Variants in FAM13C observed in about 807,000 individuals in gnomAD.
FAM13C encodes the protein protein FAM13C.
A neutral mutation model predicts 73.2 loss-of-function variants in FAM13C; 37 were observed. That is an observed-to-expected ratio of 0.51 (90% CI 0.39 to 0.67). The LOEUF (loss-of-function observed/expected upper bound fraction) is 0.67. Ranked by LOEUF, FAM13C falls within the 30% of genes least tolerant of loss-of-function variation. The pLI is 0.00. For missense variants in FAM13C, 589 were observed against 715.6 expected (o/e 0.82, Z 2.02); for synonymous variants, 246 against 260.9 (o/e 0.94, Z 0.55).
At chr10:59,284,983 G>C (rs1053053205) in intron 5 of FAM13C, among the ~76,000 whole-genome samples, 6 of 151,914 alleles carry the variant, frequency 3.9e-5, no homozygotes, top group African/African-American at 2.4e-5. Flanking sequence ...ATGCAAGATC[G>C]AGTCCCACAC....
At chr10:59,290,181 G>C (rs1221671074) in intron 5 of FAM13C, among the ~76,000 whole-genome samples, 1 of 152,104 alleles carries the variant, frequency 6.6e-6, no homozygotes, top group Non-Finnish European at 1.5e-5. Flanking sequence ...AATTACTCAG[G>C]TCCCACTTTA....
In FAM13C at chr10:59,262,429, T is replaced by G. The variant is rs1842598125; in HGVS notation, c.1236+5A>C. On this transcript the variant is annotated splice_donor_5th_base_variant and intron_variant, in intron 10 of 13. Transcript: ENST00000618804. ...CCCTCTATATAACAAGACATGGTGA[T>G]GTACCTTAGAATCCTCCTGGGGAGG... is the stretch of plus-strand genomic sequence containing the variant. 6.2e-7 allele frequency: 1 copy of G among 1,613,070 alleles called. No homozygotes were observed. Among genetic ancestry groups the G allele is most frequent in the Non-Finnish European group, 8.5e-7 (1 of 1,179,238 alleles).
intron 3 of FAM13C, among the ~76,000 whole-genome samples, chr10:59,347,844 A>T (rs913126450): frequency 2.0e-5 from 3 of 152,192 alleles, no homozygotes; most frequent in Non-Finnish European, 2.9e-5. Context: ...TGTCCCTGCA[A>T]AGGACATGAA....
At chr10:59,249,408 GAAAAAAAAAAAAA>G (rs71006241) in intron 13 of FAM13C, among the ~76,000 whole-genome samples, 1 of 99,172 alleles carries the variant, frequency 1.0e-5, no homozygotes, top group East Asian at 3.3e-4. Flanking sequence ...CGTCTCAAAA[GAAAAAAAAAAAAA>G]AAAAAAAAAG....
intron 3 of FAM13C, among the ~76,000 whole-genome samples, chr10:59,345,868 G>T (rs1191574942): frequency 6.6e-6 from 1 of 152,176 alleles, no homozygotes; most frequent in Non-Finnish European, 1.5e-5. Context: ...ACTAAATCAT[G>T]CATGAGAAAT....
At position 59,287,362 on chromosome 10, in the gene FAM13C, A is replaced by G. The variant is rs1845721264; in HGVS notation, c.508-3915T>C. Reference sequence around the variant, plus strand: ...AAAAAAAAAAAAAAAAAAAAAAAAAAAAAAGTTAAATGGTAAATTTTAGGT... The same window carrying G: ...AAAAAAAAAAAAAAAAAAAAAAAAAGAAAAGTTAAATGGTAAATTTTAGGT... On this transcript the variant is annotated intron_variant, in intron 5 of 13. Transcript: ENST00000618804. Among the ~76,000 whole-genome samples the G allele has an allele frequency of 2.0e-5, 3 of 146,452 alleles. 1 individual carries two copies. The highest frequency in any genetic ancestry group is 4.5e-5 in the Non-Finnish European group (3 of 66,746).
chr10:59,293,327 C>T (rs1846510637), intron 5 of FAM13C, among the ~76,000 whole-genome samples: 3 of 152,046 alleles, frequency 2.0e-5, no homozygotes, highest in Admixed American at 6.6e-5. Flanking sequence ...CCACCCGCCT[C>T]GGCCTCCCAA....
intron 3 of FAM13C, among the ~76,000 whole-genome samples, chr10:59,344,780 G>T (rs377157115): frequency 1.3e-5 from 2 of 152,262 alleles, no homozygotes; most frequent in African/African-American, 4.8e-5. Flanking sequence ...TCCAACTGCA[G>T]CTATAGACCA....
At chr10:59,313,662 C>G (rs1849198155) in intron 4 of FAM13C, among the ~76,000 whole-genome samples, 1 of 152,258 alleles carries the variant, frequency 6.6e-6, no homozygotes, top group South Asian at 2.1e-4. Context: ...TTTGGTTCAA[C>G]TAGAGGGAAG....
intron 6 of FAM13C, among the ~76,000 whole-genome samples, chr10:59,279,959 T>C (rs1844748795): frequency 6.6e-6 from 1 of 152,192 alleles, no homozygotes; most frequent in African/African-American, 2.4e-5. Flanking sequence ...GAGGGCTGAC[T>C]TCTTACAGCC....
Position 59,327,686 on chromosome 10 carries a change from T to C in FAM13C, c.325-3580A>G, listed in dbSNP as rs191392417. ...CGGCTGTAACATTCGGCTCAAAAAT[T>C]GTAGAACATTAAAGTAGGGTATGTA... is the stretch of plus-strand genomic sequence containing the variant. On this transcript the variant is annotated intron_variant, in intron 3 of 13. Coordinates refer to ENST00000618804, the MANE Select transcript of FAM13C (RefSeq NM_198215.4). 7.2e-5 allele frequency: 11 copies of C among 152,120 alleles called. No individual in the cohort carries two copies. In the East Asian group the frequency reaches 2.1e-3, roughly 29 times the overall value. The allele number at this position is 152,120 out of a possible 1,614,324, so 9.4% of individuals were successfully genotyped here.
At chr10:59,324,143 A>G (rs760335983) in intron 3 of FAM13C, 37 bp from the exon 4 acceptor site, 1 of 1,528,700 alleles carries the variant, frequency 6.5e-7, no homozygotes, top group Non-Finnish European at 9.0e-7. Context: ...TGAGCTGTCA[A>G]CAGCAATCAG....
At chr10:59,353,767 G>A (rs989100766) in intron 2 of FAM13C, among the ~76,000 whole-genome samples, 8 of 152,178 alleles carry the variant, frequency 5.3e-5, no homozygotes, top group Admixed American at 1.3e-4. Context: ...ATAAAACTAC[G>A]TGACATAGTT....
chr10:59,307,295 G>A (rs1242638656), intron 4 of FAM13C, among the ~76,000 whole-genome samples: 1 of 152,114 alleles, frequency 6.6e-6, no homozygotes, highest in Non-Finnish European at 1.5e-5. Context: ...GGCAGATTCT[G>A]CATCACTTTT....
At chr10:59,325,591 C>T (rs925435057) in intron 3 of FAM13C, among the ~76,000 whole-genome samples, 5 of 152,096 alleles carry the variant, frequency 3.3e-5, no homozygotes, top group African/African-American at 4.8e-5. Flanking sequence ...ATGGTTTTCA[C>T]GTGAGACAGA....
At chr10:59,332,467 C>T (rs992621411) in intron 3 of FAM13C, among the ~76,000 whole-genome samples, 1 of 152,058 alleles carries the variant, frequency 6.6e-6, no homozygotes, top group Non-Finnish European at 1.5e-5. Context: ...AGTGGGTTGT[C>T]ATGGAATCTT....
chr10:59,356,403 G>T (rs923710095), intron 1 of FAM13C, among the ~76,000 whole-genome samples: 1 of 152,092 alleles, frequency 6.6e-6, no homozygotes, highest in Non-Finnish European at 1.5e-5. Context: ...AAAGGAAGGG[G>T]TTCCTTTTCA....
intron 3 of FAM13C, among the ~76,000 whole-genome samples, chr10:59,345,201 A>G (rs1430044200): frequency 6.6e-6 from 1 of 152,154 alleles, no homozygotes; most frequent in Non-Finnish European, 1.5e-5. Flanking sequence ...TGCTATACTC[A>G]ACCAACACCA....
intron 1 of FAM13C, among the ~76,000 whole-genome samples, chr10:59,361,480 A>T (rs1469401303): frequency 2.0e-5 from 3 of 152,172 alleles, no homozygotes; most frequent in Non-Finnish European, 4.4e-5. Context: ...TTTTAAATGT[A>T]GTTGAGGATA....
Sources: gnomAD v4.1 joint callset for allele counts (sites outside exome capture counted in the v4.1 genomes callset) on GRCh38, gnomAD v4.1.1 for gene constraint, MANE v1.5 for transcripts, NCBI Gene and HGNC (gene_info 2026-07-23, HGNC 2026-07-21) for gene names.